Variants in ATP8A2 observed in about 807,000 individuals in gnomAD.
ATP8A2 encodes phospholipid-transporting ATPase IB.
ATP8A2 carries 100 observed loss-of-function variants against 165.6 expected under a neutral mutation model. The observed-to-expected ratio is 0.60, with a 90% confidence interval of 0.51 to 0.71. ATP8A2 has a LOEUF of 0.71. Ranked by LOEUF, ATP8A2 falls within the 30% of genes least tolerant of loss-of-function variation. The pLI is 0.00. For missense variants in ATP8A2, 1,227 were observed against 1,479.5 expected, an observed-to-expected ratio of 0.83 and a Z score of 2.80; for synonymous variants, 543 against 548.8, an observed-to-expected ratio of 0.99 and a Z score of 0.15.
intron 25 of ATP8A2, among the ~76,000 whole-genome samples, chr13:25,735,698 A>G (rs932655676): frequency 6.6e-6 from 1 of 152,232 alleles, no homozygotes; most frequent in Non-Finnish European, 1.5e-5. Context: ...TTGGTCAATA[A>G]CAGAACATAT....
intron 1 of ATP8A2, among the ~76,000 whole-genome samples, chr13:25,442,059 G>GGA (rs2034945865): frequency 6.6e-6 from 1 of 152,190 alleles, no homozygotes; most frequent in African/African-American, 2.4e-5. Flanking sequence ...GGAAGCACGT[G>GGA]TCAGAATTTC....
At chr13:25,982,469 G>T (rs1593667539) in intron 35 of ATP8A2, among the ~76,000 whole-genome samples, 1 of 152,194 alleles carries the variant, frequency 6.6e-6, no homozygotes, top group Non-Finnish European at 1.5e-5. Flanking sequence ...TGTATTCTGT[G>T]ATCAAACATC....
rs1284090465 is a variant in ATP8A2 at position 25,657,692 on chromosome 13, A to G, written c.2212-41481A>G. Reference sequence around the variant, plus strand: ...TGTAACACACAAATGTTGGTGTTAAACAGATACTTTTACTCTAGAATCTTT... The same window carrying G: ...TGTAACACACAAATGTTGGTGTTAAGCAGATACTTTTACTCTAGAATCTTT... On this transcript the variant is annotated intron_variant, in intron 24 of 36. Transcript: ENST00000381655. Among the ~76,000 whole-genome samples the G allele has an allele frequency of 3.3e-5, 5 of 152,260 alleles. 1 individual carries two copies. Among genetic ancestry groups the G allele is most frequent in the African/African-American group, 1.2e-4 (5 of 41,482 alleles).
At chr13:25,885,175 C>A (rs1166230688) in intron 33 of ATP8A2, among the ~76,000 whole-genome samples, 1 of 136,152 alleles carries the variant, frequency 7.3e-6, no homozygotes, top group Non-Finnish European at 1.5e-5. Context: ...TGCAGTGGTG[C>A]GATCTTAGCT....
At position 26,002,382 on chromosome 13, in the gene ATP8A2, C is replaced by T. The variant is rs1379139233; in HGVS notation, c.3378-10149C>T. ...ACTGAACAGTGAGAACACTTGGACA[C>T]GGTGGGGGAACATCACACACCAGGG... On this transcript the variant is annotated intron_variant, in intron 35 of 36. Transcript: ENST00000381655. 4.2e-5 allele frequency among the ~76,000 whole-genome samples: 6 copies of T among 142,888 alleles called. No homozygotes were observed. The East Asian group carries it at 6.7e-4, about 16-fold the overall frequency. 93.7% of individuals were successfully genotyped at this position (142,888 alleles called of 152,430 possible).
intron 33 of ATP8A2, among the ~76,000 whole-genome samples, chr13:25,955,600 C>A (rs1176172995): frequency 6.6e-6 from 1 of 152,172 alleles, no homozygotes; most frequent in Non-Finnish European, 1.5e-5. Context: ...CCTGAATAGG[C>A]CAATAACAAG....
intron 30 of ATP8A2, among the ~76,000 whole-genome samples, chr13:25,855,762 C>T (rs768743275): frequency 1.2e-4 from 18 of 152,074 alleles, no homozygotes; most frequent in Admixed American, 2.0e-4. Flanking sequence ...GGGTTTGCAC[C>T]GTTTTACTTT....
chr13:25,873,018 T>C (rs1388805565), intron 33 of ATP8A2, among the ~76,000 whole-genome samples: 1 of 152,078 alleles, frequency 6.6e-6, no homozygotes, highest in African/African-American at 2.4e-5. Flanking sequence ...GGCTGCTGTG[T>C]TGGACAGCAC....
chr13:25,966,029 GAA>G (rs61635155), intron 34 of ATP8A2, among the ~76,000 whole-genome samples: 2 of 133,548 alleles, frequency 1.5e-5, no homozygotes, highest in Non-Finnish European at 3.1e-5. Context: ...AAGAGTTTCA[GAA>G]AAAAAAAAAA....
intron 25 of ATP8A2, among the ~76,000 whole-genome samples, chr13:25,766,486 C>T (rs948845362): frequency 1.3e-5 from 2 of 152,170 alleles, no homozygotes; most frequent in South Asian, 2.1e-4. Flanking sequence ...GAGCGCTGCA[C>T]GACTTCTCGA....
At chr13:25,466,043 T>C (rs2035659599) in intron 1 of ATP8A2, among the ~76,000 whole-genome samples, 1 of 152,086 alleles carries the variant, frequency 6.6e-6, no homozygotes, top group Non-Finnish European at 1.5e-5. Context: ...GGTTCGCTTA[T>C]CTAAAAATTC....
intron 30 of ATP8A2, among the ~76,000 whole-genome samples, chr13:25,856,518 G>A (rs1259109613): frequency 6.6e-6 from 1 of 152,128 alleles, no homozygotes; most frequent in African/African-American, 2.4e-5. Flanking sequence ...AATTGCACTT[G>A]CACCCCTTAA....
At chr13:25,664,146 G>A (rs1423854311) in intron 24 of ATP8A2, among the ~76,000 whole-genome samples, 1 of 152,150 alleles carries the variant, frequency 6.6e-6, no homozygotes, top group Non-Finnish European at 1.5e-5. Flanking sequence ...GAGGGCAACA[G>A]AGCCAGACCT....
At chr13:25,619,737 A>T (rs2040921902) in intron 24 of ATP8A2, among the ~76,000 whole-genome samples, 1 of 152,248 alleles carries the variant, frequency 6.6e-6, no homozygotes, top group South Asian at 2.1e-4. Flanking sequence ...GAAATTATCT[A>T]GAACAGAGGT....
intron 25 of ATP8A2, among the ~76,000 whole-genome samples, chr13:25,722,994 A>G (rs1031030833): frequency 6.6e-6 from 1 of 152,192 alleles, no homozygotes; most frequent in Admixed American, 6.5e-5. Flanking sequence ...ACTCCGTGTT[A>G]ATTCCTGTAG....
At chr13:25,793,915 G>A (rs1950441620) in intron 27 of ATP8A2, among the ~76,000 whole-genome samples, 2 of 152,166 alleles carry the variant, frequency 1.3e-5, no homozygotes, top group African/African-American at 4.8e-5. Context: ...ATTTGAAGAC[G>A]TGTGCCCTGT....
chr13:25,455,844 G>T (rs1453878188), intron 1 of ATP8A2, among the ~76,000 whole-genome samples: 1 of 152,082 alleles, frequency 6.6e-6, no homozygotes, highest in African/African-American at 2.4e-5. Context: ...CTACTTTCTT[G>T]TAATTTTGTA....
intron 33 of ATP8A2, among the ~76,000 whole-genome samples, chr13:25,892,662 T>C (rs1455967326): frequency 1.3e-5 from 2 of 151,966 alleles, no homozygotes; most frequent in African/African-American, 4.8e-5. Flanking sequence ...GGACACAGCA[T>C]ACAGTGCGAT....
intron 33 of ATP8A2, among the ~76,000 whole-genome samples, chr13:25,915,356 A>G (rs957836937): frequency 6.6e-6 from 1 of 152,202 alleles, no homozygotes; most frequent in African/African-American, 2.4e-5. Context: ...TGCAGATGTC[A>G]TAGAGGGGAC....
Sources: gnomAD v4.1 joint callset for allele counts (sites outside exome capture counted in the v4.1 genomes callset) on GRCh38, gnomAD v4.1.1 for gene constraint, MANE v1.5 for transcripts, NCBI Gene and HGNC (gene_info 2026-07-23, HGNC 2026-07-21) for gene names.